The following SLC28A3 variants were observed in gnomAD, a reference collection of about 807,000 sequenced individuals.
The protein encoded by SLC28A3 is concentrative Na(+)-nucleoside cotransporter 3.
A neutral mutation model predicts 84.2 loss-of-function variants in SLC28A3; 68 were observed. That is an observed-to-expected ratio of 0.81 (90% CI 0.66 to 0.99). The LOEUF is 0.99. Among genes scored for constraint, SLC28A3 ranks in the 50% least tolerant of loss-of-function variants. The probability of loss-of-function intolerance (pLI) is 0.00; values close to 1 mark genes in which losing one functional copy is unlikely to be tolerated. For synonymous variants in SLC28A3, 267 were observed against 303.6 expected (o/e 0.88, Z 1.25); for missense variants, 712 against 841.5 (o/e 0.85, Z 1.90).
chr9:84,302,601 G>A (rs1263119955), intron 4 of SLC28A3, among the ~76,000 whole-genome samples: 1 of 152,184 alleles, frequency 6.6e-6, no homozygotes, highest in Non-Finnish European at 1.5e-5. Context: ...ATGAATGCTA[G>A]GAGGACAGGG....
rs1338576698 is a variant in SLC28A3, at chr9:84,307,287, C to T, written c.243-1942G>A. Among the ~76,000 whole-genome samples the T allele has an allele frequency of 5.9e-5, 9 of 151,564 alleles. No homozygotes were observed. In the South Asian group the frequency reaches 8.3e-4, roughly 14 times the overall value. ...CTCTACTAAAAATACAAAAATTAGCCGGGTGTGGTGGCACAGGCCTGTAAT... is the reference window on the plus strand; with the variant it reads ...CTCTACTAAAAATACAAAAATTAGCTGGGTGTGGTGGCACAGGCCTGTAAT... On this transcript the variant is annotated intron_variant, in intron 3 of 17. Transcript: ENST00000376238.
At chr9:84,337,287 C>T (rs1015908329) in intron 1 of SLC28A3, among the ~76,000 whole-genome samples, 3 of 151,932 alleles carry the variant, frequency 2.0e-5, no homozygotes, top group African/African-American at 4.8e-5. Flanking sequence ...TTCTTAGAGG[C>T]GGCCATATCT....
intron 4 of SLC28A3, among the ~76,000 whole-genome samples, chr9:84,302,882 A>C (rs1825680071): frequency 6.6e-6 from 1 of 152,204 alleles, no homozygotes; most frequent in Non-Finnish European, 1.5e-5. Context: ...TCTAAGGAAA[A>C]GAGGTAGGGG....
At chr9:84,284,217 G>A (rs889131235) in intron 14 of SLC28A3, among the ~76,000 whole-genome samples, 2 of 152,270 alleles carry the variant, frequency 1.3e-5, no homozygotes, top group African/African-American at 4.8e-5. Context: ...GAAACAAACT[G>A]GTTTTGGTGG....
chr9:84,305,237 C>T lies in SLC28A3; in HGVS notation c.334+17G>A, dbSNP rs200869982. 1.4e-4 allele frequency: 215 copies of T among 1,569,854 alleles called. No homozygotes were observed. In the Middle Eastern group the frequency reaches 4.4e-3, roughly 32 times the overall value. On this transcript the variant is annotated intron_variant, in intron 4 of 17. Transcript: ENST00000376238. ...AAAAAAAAGACAGTGGTATCCCTAA[C>T]CATCTTTGTTATTTACCTGCTAATA...
chr9:84,358,892 G>A, the SLC28A3 span, among the ~76,000 whole-genome samples: 33 of 151,976 alleles, frequency 2.2e-4, no homozygotes, highest in African/African-American at 7.2e-4. Context: ...AACCTCTGCC[G>A]CCCAGGCTCA....
the SLC28A3 span, among the ~76,000 whole-genome samples, chr9:84,348,752 C>G: frequency 6.6e-6 from 1 of 152,112 alleles, no homozygotes; most frequent in Non-Finnish European, 1.5e-5. Context: ...AGAGTGGGTT[C>G]CTGATAAAAA....
At chr9:84,363,580 T>C in the SLC28A3 span, among the ~76,000 whole-genome samples, 2 of 152,328 alleles carry the variant, frequency 1.3e-5, no homozygotes, top group East Asian at 3.9e-4. Context: ...ATCCATATTA[T>C]TATTAGTTTC....
chr9:84,367,206 C>T, the SLC28A3 span, among the ~76,000 whole-genome samples: 31 of 152,088 alleles, frequency 2.0e-4, no homozygotes, highest in Non-Finnish European at 3.5e-4. Flanking sequence ...GCCATACTAC[C>T]GCCAATATTC....
At chr9:84,316,752 C>A (rs1333725394) in intron 1 of SLC28A3, among the ~76,000 whole-genome samples, 1 of 152,198 alleles carries the variant, frequency 6.6e-6, no homozygotes, top group East Asian at 1.9e-4. Flanking sequence ...CCTGTAATCC[C>A]AGCACATTGG....
chr9:84,314,533 A>T (rs955370018), intron 1 of SLC28A3, among the ~76,000 whole-genome samples: 1 of 152,206 alleles, frequency 6.6e-6, no homozygotes, highest in African/African-American at 2.4e-5. Context: ...GAATCCAGCA[A>T]ATATTGCAAT....
At chr9:84,368,086 G>C in the SLC28A3 span, among the ~76,000 whole-genome samples, 3 of 152,168 alleles carry the variant, frequency 2.0e-5, no homozygotes, top group Non-Finnish European at 4.4e-5. Context: ...GGCTGTCTCA[G>C]TGGGGGGAAA....
At chr9:84,365,469 T>A in the SLC28A3 span, among the ~76,000 whole-genome samples, 2 of 152,194 alleles carry the variant, frequency 1.3e-5, no homozygotes, top group East Asian at 3.9e-4. Context: ...TTGTTGCTAT[T>A]TTTCCTTTGC....
intron 1 of SLC28A3, among the ~76,000 whole-genome samples, chr9:84,316,085 T>C (rs1826161523): frequency 6.8e-6 from 1 of 147,582 alleles, no homozygotes; most frequent in Admixed American, 6.6e-5. Context: ...GACAGCCTAG[T>C]AACCAGGAGT....
chr9:84,302,110 G>T, intron 5 of SLC28A3, 90 bp downstream of exon 5: 1 of 1,261,900 alleles, frequency 7.9e-7, no homozygotes. Context: ...TCCCATAAAT[G>T]AGGAAGCAAT....
chr9:84,328,260 A>G (rs1379828024), intron 1 of SLC28A3, among the ~76,000 whole-genome samples: 1 of 151,752 alleles, frequency 6.6e-6, no homozygotes, highest in African/African-American at 2.4e-5. Context: ...AATGGATTAT[A>G]CCCTTTAATT....
intron 1 of SLC28A3, among the ~76,000 whole-genome samples, chr9:84,332,383 T>C (rs536843348): frequency 1.1e-4 from 17 of 152,218 alleles, no homozygotes; most frequent in African/African-American, 3.6e-4. Context: ...GAGAAAAAAA[T>C]AGAGGACATT....
chr9:84,358,399 G>T, the SLC28A3 span, among the ~76,000 whole-genome samples: 4 of 152,112 alleles, frequency 2.6e-5, no homozygotes, highest in East Asian at 7.7e-4. Context: ...CATGTAACCC[G>T]AAACTCAGGA....
the SLC28A3 span, among the ~76,000 whole-genome samples, chr9:84,346,607 G>C: frequency 0.054 from 8,225 of 152,192 alleles, 449 homozygotes; most frequent in East Asian, 0.17. Context: ...GGTTTATAAG[G>C]CTTAGTCTAA....
Sources: gnomAD v4.1 joint callset for allele counts (sites outside exome capture counted in the v4.1 genomes callset) on GRCh38, gnomAD v4.1.1 for gene constraint, MANE v1.5 for transcripts, NCBI Gene and HGNC (gene_info 2026-07-23, HGNC 2026-07-21) for gene names.